ANPEP: variants seen among roughly 807,000 people sequenced by gnomAD.
ANPEP encodes alanyl aminopeptidase, membrane, also known as aminopeptidase N.
A neutral mutation model predicts 114.6 loss-of-function variants in ANPEP; 70 were observed. The ratio of observed to expected loss-of-function variants is 0.61; its 90% CI spans 0.50 to 0.75. ANPEP has a LOEUF of 0.75. Ranked by LOEUF, ANPEP falls within the 30% of genes least tolerant of loss-of-function variation. The probability of loss-of-function intolerance (pLI) is 0.00; values close to 1 mark genes in which losing one functional copy is unlikely to be tolerated. For missense variants in ANPEP, 1,184 were observed against 1,259.5 expected, an observed-to-expected ratio of 0.94 and a Z score of 0.91; for synonymous variants, 548 against 522.3, an observed-to-expected ratio of 1.05 and a Z score of -0.67.
At position 89,805,951 on chromosome 15, in the gene ANPEP, C is replaced by A. The variant is rs780073909; in HGVS notation, c.614+19G>T. The A allele has an allele frequency of 1.9e-6, 3 of 1,568,384 alleles. No homozygotes were observed. The highest frequency in any genetic ancestry group is 2.6e-6 in the Non-Finnish European group (3 of 1,153,106). Reference sequence around the variant, plus strand: ...AGCACCTCGGATCCACCCCACCGGGCAGCCCAGCCGGAACTCACTTTCTGA... The same window carrying A: ...AGCACCTCGGATCCACCCCACCGGGAAGCCCAGCCGGAACTCACTTTCTGA... On this transcript the variant is annotated intron_variant, in intron 2 of 20. Transcript: ENST00000300060.
At position 89,803,265 on chromosome 15, in the gene ANPEP, G is replaced by C. The variant is rs779629431; in HGVS notation, c.1543C>G (p.Leu515Val). 6.2e-7 allele frequency: 1 copy of C among 1,614,012 alleles called. No individual in the cohort carries two copies. ...TCCTGCAGGTGGTCCCACAGGTTCA[G>C]GTAGATGGTGTTCTGGTAGGCAAAG... ...HTFAYQNTIY[L>V]NLWDHLQEAV... The change falls in exon 10 of 21, where the codon CTG becomes GTG. Residue 515 changes from leucine (L) to valine (V), a missense_variant. Coordinates refer to ENST00000300060, the MANE Select transcript of ANPEP (RefSeq NM_001150.3). The surrounding 1 kb of genome is among the most constrained non-coding windows in gnomAD (Gnocchi z 4.2).
intron 4 of ANPEP, 145 bp from the exon 5 acceptor site, chr15:89,804,762 G>A (rs903776231): frequency 2.1e-5 from 25 of 1,203,872 alleles, no homozygotes; most frequent in Non-Finnish European, 2.8e-5. Flanking sequence ...GGCCTGGTCA[G>A]CAGAGGGGAA....
intron 2 of ANPEP, 62 bp from the exon 3 acceptor site, chr15:89,805,525 A>C: frequency 6.3e-7 from 1 of 1,595,614 alleles, no homozygotes; most frequent in Non-Finnish European, 8.5e-7. Flanking sequence ...GGCTCTGAGG[A>C]TGCTACCAGG....
intron 16 of ANPEP, 71 bp downstream of exon 16, chr15:89,792,964 C>CA: frequency 1.5e-6 from 2 of 1,324,270 alleles, no homozygotes; most frequent in Non-Finnish European, 2.2e-6. Context: ...CGGCAGAGAA[C>CA]ACTGCCAGGA....
chr15:89,810,136 T>C (rs1322954763), intron 1 of ANPEP, among the ~76,000 whole-genome samples: 3 of 152,008 alleles, frequency 2.0e-5, no homozygotes, highest in Admixed American at 6.6e-5. Context: ...TCCCAGCACT[T>C]TAGGAGGCTG....
In ANPEP at chr15:89,803,801, C is replaced by T. The variant is rs752526850; in HGVS notation, c.1294-11G>A. On this transcript the variant is annotated splice_polypyrimidine_tract_variant and intron_variant, in intron 7 of 20. Coordinates refer to ENST00000300060, the MANE Select transcript of ANPEP (RefSeq NM_001150.3). This position sits in a 1 kb window ranked among gnomAD's most constrained non-coding sequence, Gnocchi z 4.2. ...CACCATGAGGTCTTTCTGCAAATTCCCCAGGGCCATCAGGAGACTGGCCTG... is the reference window on the plus strand; with the variant it reads ...CACCATGAGGTCTTTCTGCAAATTCTCCAGGGCCATCAGGAGACTGGCCTG... The T allele has an allele frequency of 7.5e-6, 12 of 1,608,948 alleles. No individual in the cohort carries two copies. The Admixed American group carries it at 8.4e-5, about 11-fold the overall frequency.
chr15:89,804,931 G>T, intron 4 of ANPEP, 147 bp downstream of exon 4: 2 of 1,190,602 alleles, frequency 1.7e-6, no homozygotes, highest in Non-Finnish European at 2.4e-6. Flanking sequence ...GAGAACCAGA[G>T]AACAAGACAC....
rs200088948 is a variant in ANPEP at position 89,792,277 on chromosome 15, C to G, written c.2411G>C (p.Gly804Ala). The G allele has an allele frequency of 5.6e-6, 9 of 1,614,122 alleles. No individual in the cohort carries two copies. The Admixed American group carries it at 6.7e-5, about 12-fold the overall frequency. ...GGCGAAGTCCCACTCCTCCTCCCCG[C>G]CCTGGGCGATAGCGTTGCAGTAGAC... is the stretch of plus-strand genomic sequence containing the variant. ...STVYCNAIAQ[G>A]GEEEWDFAWE... Residue 804 changes from glycine (G) to alanine (A), a missense_variant, in exon 18 of 21, where the codon GGC becomes GCC. By Grantham distance (60) the Gly-to-Ala change is moderately conservative. Transcript: ENST00000300060.
Position 89,803,426 on chromosome 15 carries a change from A to G in ANPEP, c.1503+16T>C, listed in dbSNP as rs1894636423. On this transcript the variant is annotated intron_variant, in intron 9 of 20. Coordinates refer to ENST00000300060, the MANE Select transcript of ANPEP (RefSeq NM_001150.3). The surrounding 1 kb of genome is among the most constrained non-coding windows in gnomAD (Gnocchi z 4.2). ...GGAGACCCACCCTCATGGCTGGCCC[A>G]GGGTGCAGTACTCACCGCCAGGCCC... is the stretch of plus-strand genomic sequence containing the variant. 1.2e-6 allele frequency: 2 copies of G among 1,608,564 alleles called. No homozygotes were observed. Among genetic ancestry groups the G allele is most frequent in the Non-Finnish European group, 8.5e-7 (1 of 1,177,432 alleles).
At chr15:89,791,695 C>T (rs1372804052) in intron 18 of ANPEP, among the ~76,000 whole-genome samples, 2 of 151,468 alleles carry the variant, frequency 1.3e-5, no homozygotes, top group Non-Finnish European at 2.9e-5. Context: ...TCAGGTGATC[C>T]ATCCACCTCA....
At chr15:89,807,037 C>A in intron 1 of ANPEP, 1 of 164,258 alleles carries the variant, frequency 6.1e-6, no homozygotes, top group Admixed American at 5.6e-5. Context: ...AGAAGGGGTT[C>A]CCGGCTCCTA....
rs1168923015 is a variant in ANPEP at position 89,806,895 on chromosome 15, C to T, written c.-223-89G>A. 2.1e-5 allele frequency: 7 copies of T among 338,786 alleles called. No homozygotes were observed. Among genetic ancestry groups the T allele is most frequent in the South Asian group, 1.4e-4 (3 of 21,124 alleles). The allele number at this position is 338,786 out of a possible 1,614,324, so 21.0% of individuals were successfully genotyped here. Reference sequence around the variant, plus strand: ...GAAGGGCAGGCTTCCGGCTGTAGGCCCAGTGGGCAAAGCAAGCGGCCAGGT... The same window carrying T: ...GAAGGGCAGGCTTCCGGCTGTAGGCTCAGTGGGCAAAGCAAGCGGCCAGGT... On this transcript the variant is annotated intron_variant, in intron 1 of 20. Transcript: ENST00000300060. The surrounding 1 kb of genome is among the most constrained non-coding windows in gnomAD (Gnocchi z 5.7).
chr15:89,813,991 T>TGGGGGG (rs201152904), intron 1 of ANPEP, among the ~76,000 whole-genome samples: 126 of 111,428 alleles, frequency 1.1e-3, no homozygotes, highest in Non-Finnish European at 1.0e-3. Context: ...ACCGCACTGC[T>TGGGGGG]GGGGGGGGGG....
rs750013316 is a variant in ANPEP at position 89,792,453 on chromosome 15, G to T, written c.2359C>A (p.Pro787Thr). 1 of 1,613,870 alleles carries T rather than the reference G, an allele frequency of 6.2e-7. No homozygotes were observed. Among genetic ancestry groups the T allele is most frequent in the African/African-American group, 1.3e-5 (1 of 74,884 alleles). The part of the protein sequence containing the change: ...KQWMENPNNN[P>T]IHPNLRSTVY... ...AGGAGGCGCAGGGGAGACACTCACGGGTTATTATTGGGGTTCTCCATCCAC... is the reference window on the plus strand; with the variant it reads ...AGGAGGCGCAGGGGAGACACTCACGTGTTATTATTGGGGTTCTCCATCCAC... Residue 787 changes from proline to threonine, a missense_variant and splice_region_variant, in exon 17 of 21, where the codon CCG becomes ACG. Physicochemically the swap from Pro to Thr is conservative, Grantham distance 38. Transcript: ENST00000300060.
chr15:89,803,368 G>A lies in ANPEP; in HGVS notation c.1504-64C>T. ...CCCCCCAGGCTCCCCCTCTGTGGTG[G>A]GCAGAGGCCCGGGTCAAGGGCGAGG... On this transcript the variant is annotated intron_variant, in intron 9 of 20. Transcript: ENST00000300060. The surrounding 1 kb of genome is among the most constrained non-coding windows in gnomAD (Gnocchi z 4.2). The A allele has an allele frequency of 6.2e-7, 1 of 1,613,232 alleles. No homozygotes were observed. The highest frequency in any genetic ancestry group is 8.5e-7 in the Non-Finnish European group (1 of 1,179,202).
In ANPEP at chr15:89,791,021, G is replaced by A. The variant is rs1206505733; in HGVS notation, c.2601C>T (p.Thr867=). ...CCAGACCTTGCCCAATGACGTTGTT[G>A]GTAATGCTGATGATGGTAGAGGTGG... ...QDATSTIISI[T]NNVIGQGLVW... Residue 867 remains threonine, a synonymous_variant, in exon 19 of 21, where the codon ACC becomes ACT. Transcript: ENST00000300060. The A allele has an allele frequency of 6.2e-7, 1 of 1,614,208 alleles. No homozygotes were observed. Among genetic ancestry groups the A allele is most frequent in the South Asian group, 1.1e-5 (1 of 91,084 alleles).
intron 20 of ANPEP, among the ~76,000 whole-genome samples, chr15:89,789,221 C>A (rs1348497587): frequency 6.6e-6 from 1 of 151,720 alleles, no homozygotes; most frequent in African/African-American, 2.4e-5. Flanking sequence ...CTCAGGTGAT[C>A]CACCCACCTT....
Position 89,813,993 on chromosome 15 carries a change from G to C in ANPEP, c.-224+779C>G, listed in dbSNP as rs573368873. On this transcript the variant is annotated intron_variant, in intron 1 of 20. Coordinates refer to ENST00000300060, the MANE Select transcript of ANPEP (RefSeq NM_001150.3). ...GCCGTCCCTGCCCACCGCACTGCTG[G>C]GGGGGGGGGGTGCGTTCTGGAGTCA... Among the ~76,000 whole-genome samples the C allele has an allele frequency of 1.1e-4, 15 of 137,744 alleles. No homozygotes were observed. In the East Asian group the frequency reaches 1.5e-3, roughly 14 times the overall value. The allele number at this position is 137,744 out of a possible 152,430, so 90.4% of individuals were successfully genotyped here.
chr15:89,788,185 G>T (rs544148862), intron 20 of ANPEP, among the ~76,000 whole-genome samples: 1 of 152,182 alleles, frequency 6.6e-6, no homozygotes. Context: ...GCACGTGAAG[G>T]TCCATGATAT....
Sources: allele counts gnomAD v4.1 joint callset (sites outside exome capture counted in the v4.1 genomes callset), GRCh38; gene constraint gnomAD v4.1.1; non-coding constraint Gnocchi (gnomAD v3.1); transcripts MANE v1.5; gene names NCBI Gene and HGNC (gene_info 2026-07-23, HGNC 2026-07-21).